Variants in ZDHHC14 observed in about 807,000 individuals in gnomAD.
The protein encoded by ZDHHC14 is zDHHC palmitoyltransferase 14, also known as palmitoyltransferase ZDHHC14.
A neutral mutation model predicts 47.7 loss-of-function variants in ZDHHC14; 16 were observed. The observed-to-expected ratio is 0.34, with a 90% CI of 0.23 to 0.51. The LOEUF (loss-of-function observed/expected upper bound fraction) is 0.51, where lower values mean the gene tolerates loss of function less well. ZDHHC14 is among the 20% of genes least tolerant of loss of function. ZDHHC14 has a pLI of 0.97. For synonymous variants in ZDHHC14, 293 were observed against 278.9 expected, an observed-to-expected ratio of 1.05 and a Z score of -0.50; for missense variants, 515 against 662.5, an observed-to-expected ratio of 0.78 and a Z score of 2.44.
chr6:157,593,751 T>C (rs542803939), intron 3 of ZDHHC14, among the ~76,000 whole-genome samples: 3 of 152,346 alleles, frequency 2.0e-5, no homozygotes, highest in Non-Finnish European at 2.9e-5. Flanking sequence ...CGGCCCAGCA[T>C]GGGCCTTCTG....
rs1310459108 is a variant in ZDHHC14, at chr6:157,586,028, G to A, written c.407-6960G>A. Among the ~76,000 whole-genome samples, 1 of 152,182 alleles carries A rather than the reference G, an allele frequency of 6.6e-6. No individual in the cohort carries two copies. Among genetic ancestry groups the A allele is most frequent in the Admixed American group, 6.5e-5 (1 of 15,284 alleles). Reference sequence around the variant, plus strand: ...TGTGCTAGACTCTCTGCTGGATGATGGGGACTTGAAAGTGGATAGGCCGTG... The same window carrying A: ...TGTGCTAGACTCTCTGCTGGATGATAGGGACTTGAAAGTGGATAGGCCGTG... On this transcript the variant is annotated intron_variant, in intron 2 of 8. Transcript: ENST00000359775. The surrounding 1 kb of genome is among the most constrained non-coding windows in gnomAD (Gnocchi z 4.6).
rs369643267 is a variant in ZDHHC14 at position 157,672,987 on chromosome 6, G to A, written c.1332G>A (p.Ala444=). The part of the protein sequence containing the change: ...MGHQFLTPDE[A]PSPPRLLAAG... ...ACCAGTTCCTGACGCCCGATGAGGC[G>A]CCCTCGCCCCCCAGGCTACTGGCGG... Residue 444 remains alanine, a synonymous_variant, in exon 9 of 9, where the codon GCG becomes GCA. Transcript: ENST00000359775. The A allele has an allele frequency of 1.7e-5, 27 of 1,590,980 alleles. No individual in the cohort carries two copies. The highest frequency in any genetic ancestry group is 2.3e-5 in the Non-Finnish European group (27 of 1,173,048).
Position 157,386,609 on chromosome 6 carries a change from C to T in ZDHHC14, c.245+4343C>T, listed in dbSNP as rs149703916. Among the ~76,000 whole-genome samples, 1,063 of 152,294 alleles carry T rather than the reference C, an allele frequency of 7.0e-3. 17 individuals carry two copies. The highest frequency in any genetic ancestry group is 0.024 in the African/African-American group (1,008 of 41,548). On this transcript the variant is annotated intron_variant, in intron 1 of 8. Coordinates refer to ENST00000359775, the MANE Select transcript of ZDHHC14 (RefSeq NM_024630.3). ...TCTCAAGCAAGGAGGGACTGCTTAT[C>T]TGTTGGCATCTTTATGCACTGTGTG...
chr6:157,384,949 A>G (rs773457539), intron 1 of ZDHHC14, among the ~76,000 whole-genome samples: 10 of 152,182 alleles, frequency 6.6e-5, no homozygotes, highest in African/African-American at 9.6e-5. Context: ...TTAAAAATTT[A>G]TTTTTAATTT....
rs1583648030 is a variant in ZDHHC14, at chr6:157,442,406, A to G, written c.245+60140A>G. On this transcript the variant is annotated intron_variant, in intron 1 of 8. Coordinates refer to ENST00000359775, the MANE Select transcript of ZDHHC14 (RefSeq NM_024630.3). Reference sequence around the variant, plus strand: ...AAAAAAACCCAAACCAAAACAAAACAACTTCCATACGCTACATTCATGAAG... The same window carrying G: ...AAAAAAACCCAAACCAAAACAAAACGACTTCCATACGCTACATTCATGAAG... 5.3e-5 allele frequency among the ~76,000 whole-genome samples: 8 copies of G among 152,238 alleles called. No individual in the cohort carries two copies. The South Asian group carries it at 1.7e-3, about 32-fold the overall frequency.
intron 1 of ZDHHC14, among the ~76,000 whole-genome samples, chr6:157,425,447 A>G (rs1463214295): frequency 6.6e-6 from 1 of 152,286 alleles, no homozygotes; most frequent in South Asian, 2.1e-4. Flanking sequence ...TTAAATCTCT[A>G]ATTTCTTTCT....
At chr6:157,520,970 C>T (rs1186805643) in intron 1 of ZDHHC14, among the ~76,000 whole-genome samples, 1 of 152,118 alleles carries the variant, frequency 6.6e-6, no homozygotes, top group Non-Finnish European at 1.5e-5. Context: ...GCACATAAAA[C>T]GAAGCTTTTA....
intron 5 of ZDHHC14, among the ~76,000 whole-genome samples, chr6:157,643,477 G>A (rs1037237565): frequency 2.6e-5 from 4 of 151,384 alleles, no homozygotes; most frequent in East Asian, 3.9e-4. Context: ...GTGAAACCCC[G>A]TCTCTACTAA....
At chr6:157,509,591 A>G (rs1780412255) in intron 1 of ZDHHC14, among the ~76,000 whole-genome samples, 1 of 152,312 alleles carries the variant, frequency 6.6e-6, no homozygotes, top group African/African-American at 2.4e-5. Flanking sequence ...TTACTCGCCA[A>G]GATGCCCTGC....
chr6:157,536,248 T>C (rs1781541100), intron 1 of ZDHHC14, among the ~76,000 whole-genome samples: 2 of 152,218 alleles, frequency 1.3e-5, no homozygotes, highest in Non-Finnish European at 1.5e-5. Flanking sequence ...AATGTATGCC[T>C]CGTGGTTATG....
intron 8 of ZDHHC14, among the ~76,000 whole-genome samples, chr6:157,671,537 G>A (rs1778795024): frequency 6.6e-6 from 1 of 152,200 alleles, no homozygotes; most frequent in Admixed American, 6.5e-5. Flanking sequence ...GTCCTGTTAA[G>A]TCTCTTCTAG....
chr6:157,457,702 G>T (rs994158455), intron 1 of ZDHHC14, among the ~76,000 whole-genome samples: 3 of 152,192 alleles, frequency 2.0e-5, no homozygotes, highest in Non-Finnish European at 4.4e-5. Flanking sequence ...GGCATCGGGG[G>T]TCTCTTTGGG....
chr6:157,658,384 A>G (rs1778195689), intron 8 of ZDHHC14, among the ~76,000 whole-genome samples: 1 of 152,172 alleles, frequency 6.6e-6, no homozygotes, highest in South Asian at 2.1e-4. Flanking sequence ...CAGCTCCACC[A>G]GGAGATTAGG....
intron 1 of ZDHHC14, among the ~76,000 whole-genome samples, chr6:157,528,103 A>G (rs1246723275): frequency 1.3e-5 from 2 of 152,180 alleles, no homozygotes; most frequent in Non-Finnish European, 2.9e-5. Context: ...CTAATTAAAT[A>G]TGCTTTTTCC....
At chr6:157,471,885 C>A (rs1779363523) in intron 1 of ZDHHC14, among the ~76,000 whole-genome samples, 1 of 152,192 alleles carries the variant, frequency 6.6e-6, no homozygotes, top group Non-Finnish European at 1.5e-5. Context: ...TCTTAAGGAT[C>A]AAATGAAATG....
intron 1 of ZDHHC14, among the ~76,000 whole-genome samples, chr6:157,438,110 T>G (rs989995086): frequency 2.6e-5 from 4 of 151,990 alleles, no homozygotes; most frequent in African/African-American, 4.8e-5. Flanking sequence ...TAGTTTTAAT[T>G]AATCCTATTG....
rs748780428 is a variant in ZDHHC14, at chr6:157,593,064, C to T, written c.483C>T (p.Thr161=). Residue 161 remains threonine (T), a synonymous_variant, in exon 3 of 9, where the codon ACC becomes ACT. Coordinates refer to ENST00000359775, the MANE Select transcript of ZDHHC14 (RefSeq NM_024630.3). ...AAGAAGTCATCATCAATGGCCAGAC[C>T]GTGAAACTTAAATACTGTTTCACCT... ...RTKEVIINGQ[T]VKLKYCFTCK... 3 of 1,614,060 alleles carry T rather than the reference C, an allele frequency of 1.9e-6. No individual in the cohort carries two copies. Among genetic ancestry groups the T allele is most frequent in the Admixed American group, 1.7e-5 (1 of 60,002 alleles).
rs994376230 is a variant in ZDHHC14, at chr6:157,445,324, G to T, written c.245+63058G>T. Among the ~76,000 whole-genome samples, 12 of 152,222 alleles carry T rather than the reference G, an allele frequency of 7.9e-5. No individual in the cohort carries two copies. In the South Asian group the frequency reaches 1.5e-3, roughly 18 times the overall value. On this transcript the variant is annotated intron_variant, in intron 1 of 8. Coordinates refer to ENST00000359775, the MANE Select transcript of ZDHHC14 (RefSeq NM_024630.3). ...TCTGCCAGCTTCTTATAGCAGTTTTGATTAGACAAGAGCCATCACGGTTTA... is the reference window on the plus strand; with the variant it reads ...TCTGCCAGCTTCTTATAGCAGTTTTTATTAGACAAGAGCCATCACGGTTTA...
intron 8 of ZDHHC14, among the ~76,000 whole-genome samples, chr6:157,664,788 T>G (rs605800): frequency 0.72 from 109,020 of 151,954 alleles, 39,339 homozygotes; most frequent in African/African-American, 0.78. Context: ...CAGCCACATC[T>G]CAGCTGCTAT....
Sources: gnomAD v4.1 joint callset for allele counts (sites outside exome capture counted in the v4.1 genomes callset) on GRCh38, gnomAD v4.1.1 for gene constraint, Gnocchi (gnomAD v3.1) non-coding constraint, MANE v1.5 for transcripts, NCBI Gene and HGNC (gene_info 2026-07-23, HGNC 2026-07-21) for gene names.